ARRB1: variants seen among roughly 807,000 people sequenced by gnomAD.
The protein encoded by ARRB1 is beta-arrestin-1.
In ARRB1, 21 loss-of-function variants were observed where a neutral mutation model predicts 56.8. The observed-to-expected ratio is 0.37, with a 90% CI of 0.26 to 0.53. The LOEUF (loss-of-function observed/expected upper bound fraction) is 0.53. Ranked by LOEUF, ARRB1 falls within the 20% of genes least tolerant of loss-of-function variation. The probability of loss-of-function intolerance (pLI) is 0.88; values close to 1 mark genes in which losing one functional copy is unlikely to be tolerated. For missense variants in ARRB1, 424 were observed against 553.7 expected (o/e 0.77, Z 2.35); for synonymous variants, 210 against 218.6 (o/e 0.96, Z 0.35).
At chr11:75,273,050 C>T in intron 11 of ARRB1, 72 bp from the exon 12 acceptor site, 2 of 1,365,006 alleles carry the variant, frequency 1.5e-6, no homozygotes, top group Non-Finnish European at 2.1e-6. Flanking sequence ...GGTGGGTATG[C>T]TGGGGGGCAG....
chr11:75,309,027 G>A (rs1246976698), intron 1 of ARRB1, among the ~76,000 whole-genome samples: 2 of 152,272 alleles, frequency 1.3e-5, no homozygotes, highest in African/African-American at 4.8e-5. Flanking sequence ...GAAACTGGAG[G>A]CTAGGGAGGG....
intron 1 of ARRB1, chr11:75,335,196 G>A: frequency 4.5e-6 from 1 of 219,816 alleles, no homozygotes; most frequent in Non-Finnish European, 1.1e-5. Context: ...GGCTCCGGAA[G>A]ACATTCCTTC....
chr11:75,338,490 G>A (rs536750), intron 1 of ARRB1, among the ~76,000 whole-genome samples: 2 of 151,836 alleles, frequency 1.3e-5, no homozygotes, highest in African/African-American at 2.4e-5. Flanking sequence ...CCCCATCCAG[G>A]TCTACACTCA....
chr11:75,282,136 C>A, intron 5 of ARRB1, 115 bp from the exon 6 acceptor site: 2 of 1,041,944 alleles, frequency 1.9e-6, no homozygotes, highest in South Asian at 1.4e-5. Context: ...AGGGGACAGG[C>A]CATGTCTATC....
chr11:75,323,727 G>A (rs1027300524), intron 1 of ARRB1, among the ~76,000 whole-genome samples: 20 of 152,204 alleles, frequency 1.3e-4, no homozygotes, highest in Non-Finnish European at 2.2e-4. Flanking sequence ...GGTGTGCAGG[G>A]AAGATGGGAG....
At chr11:75,312,801 G>A (rs759913356) in intron 1 of ARRB1, among the ~76,000 whole-genome samples, 11 of 152,224 alleles carry the variant, frequency 7.2e-5, no homozygotes, top group Non-Finnish European at 1.2e-4. Context: ...TGGAGGATGG[G>A]GCTGGGAGCC....
At chr11:75,287,411 C>T in intron 2 of ARRB1, 36 bp from the exon 3 acceptor site, 1 of 1,550,586 alleles carries the variant, frequency 6.4e-7, no homozygotes. Context: ...TTAGCAGCTG[C>T]AGGCCCAGAG....
intron 1 of ARRB1, among the ~76,000 whole-genome samples, chr11:75,308,610 TG>T (rs1007085271): frequency 8.5e-5 from 13 of 152,096 alleles, no homozygotes; most frequent in African/African-American, 3.1e-4. Flanking sequence ...CTGGGTGTGA[TG>T]GCACACACCT....
In ARRB1 at chr11:75,281,109, A is replaced by G; in HGVS notation, c.448T>C (p.Cys150Arg). Residue 150 changes from cysteine (C) to arginine (R), a missense_variant, in exon 7 of 16, where the codon TGC (cysteine) becomes CGC (arginine). Physicochemically the swap from Cys to Arg is radical, Grantham distance 180 (BLOSUM62 -3). Coordinates refer to ENST00000420843, the MANE Select transcript of ARRB1 (RefSeq NM_004041.5). ...ATCTTCTCCTCCAAATTCTCCGCGC[A>G]GAAGGCTTTGACTTCATAGTCCACA... ...CGVDYEVKAFCAENLEEKIHK... is the reference protein window; with the variant it reads ...CGVDYEVKAFRAENLEEKIHK... 3 of 1,603,500 alleles carry G rather than the reference A, an allele frequency of 1.9e-6. No individual in the cohort carries two copies. Among genetic ancestry groups the G allele is most frequent in the Non-Finnish European group, 1.7e-6 (2 of 1,174,790 alleles).
intron 2 of ARRB1, among the ~76,000 whole-genome samples, chr11:75,288,460 C>G (rs999652621): frequency 6.6e-6 from 1 of 152,098 alleles, no homozygotes; most frequent in Non-Finnish European, 1.5e-5. Context: ...CCCTTCAATC[C>G]TTGTGACTCG....
chr11:75,306,105 C>T (rs1239228917), intron 1 of ARRB1, among the ~76,000 whole-genome samples: 4 of 152,136 alleles, frequency 2.6e-5, no homozygotes, highest in Non-Finnish European at 5.9e-5. Context: ...GACCCCATTT[C>T]AGTCCCGCTG....
At chr11:75,326,952 C>G (rs1017037683) in intron 1 of ARRB1, among the ~76,000 whole-genome samples, 29 of 151,970 alleles carry the variant, frequency 1.9e-4, no homozygotes, top group Non-Finnish European at 2.4e-4. Context: ...AGTGATCTGC[C>G]CATCTTGGCC....
At chr11:75,340,713 G>C (rs1340535541) in intron 1 of ARRB1, among the ~76,000 whole-genome samples, 1 of 152,184 alleles carries the variant, frequency 6.6e-6, no homozygotes, top group Non-Finnish European at 1.5e-5. Context: ...TGAAACAGTG[G>C]CCTGCTGGCT....
chr11:75,289,432 GTGTCTGCC>G (rs1946554262), intron 2 of ARRB1, among the ~76,000 whole-genome samples: 1 of 152,154 alleles, frequency 6.6e-6, no homozygotes, highest in South Asian at 2.1e-4. Flanking sequence ...ATGGATTTCT[GTGTCTGCC>G]TCTGCCATCT....
At chr11:75,345,143 T>C (rs1947746113) in intron 1 of ARRB1, among the ~76,000 whole-genome samples, 2 of 152,110 alleles carry the variant, frequency 1.3e-5, no homozygotes, top group Admixed American at 1.3e-4. Flanking sequence ...GTGACCTTAG[T>C]CACACACAAT....
At chr11:75,269,241 G>A (rs750610297) in intron 13 of ARRB1, 22 of 660,006 alleles carry the variant, frequency 3.3e-5, no homozygotes, top group Non-Finnish European at 5.4e-5. Flanking sequence ...GGGTGGGAAA[G>A]GATTGCCCGG....
At chr11:75,297,839 T>C (rs1484337209) in intron 1 of ARRB1, among the ~76,000 whole-genome samples, 1 of 103,620 alleles carries the variant, frequency 9.7e-6, no homozygotes, top group Non-Finnish European at 1.7e-5. Context: ...CACTCCAGCC[T>C]GGGTAAGAGA....
At chr11:75,332,874 G>A (rs571313195) in intron 1 of ARRB1, among the ~76,000 whole-genome samples, 8 of 151,900 alleles carry the variant, frequency 5.3e-5, no homozygotes, top group South Asian at 2.1e-4. Flanking sequence ...TGGCCTGGGC[G>A]ACAGAGTGAG....
intron 1 of ARRB1, among the ~76,000 whole-genome samples, chr11:75,350,923 T>C (rs868367888): frequency 2.6e-5 from 4 of 152,068 alleles, no homozygotes; most frequent in Non-Finnish European, 5.9e-5. Context: ...AGGGCATCAG[T>C]CTGATTGTGT....
Sources: allele counts gnomAD v4.1 joint callset (sites outside exome capture counted in the v4.1 genomes callset), GRCh38; gene constraint gnomAD v4.1.1; transcripts MANE v1.5; gene names NCBI Gene and HGNC (gene_info 2026-07-23, HGNC 2026-07-21).